IL1RAPL1: variants seen among roughly 807,000 people sequenced by gnomAD.
IL1RAPL1 encodes the protein interleukin 1 receptor accessory protein like 1, also known as interleukin-1 receptor accessory protein-like 1.
IL1RAPL1 carries 3 observed loss-of-function variants against 48.4 expected under a neutral mutation model. The ratio of observed to expected loss-of-function variants is 0.06; its 90% CI spans 0.03 to 0.16. The LOEUF is 0.16. Among genes scored for constraint, IL1RAPL1 ranks in the 10% least tolerant of loss-of-function variants. The pLI is 1.00. For missense variants in IL1RAPL1, 349 were observed against 530.6 expected, an observed-to-expected ratio of 0.66 and a Z score of 3.36; for synonymous variants, 185 against 187.7, an observed-to-expected ratio of 0.99 and a Z score of 0.12.
intron 3 of IL1RAPL1, among the ~76,000 whole-genome samples, chrX:29,291,751 C>A (rs769389129): frequency 7.6e-4 from 85 of 112,367 alleles, no homozygotes; most frequent in African/African-American, 2.7e-3. Context: ...TGAACTTTAT[C>A]CCTTTTGGTA....
intron 6 of IL1RAPL1, among the ~76,000 whole-genome samples, chrX:29,910,771 TTAA>T (rs1301273022): frequency 9.0e-6 from 1 of 111,305 alleles, no homozygotes; most frequent in African/African-American, 3.3e-5. Flanking sequence ...ATAGCTATAT[TTAA>T]TAATAAAATT....
intron 1 of IL1RAPL1, among the ~76,000 whole-genome samples, chrX:28,716,890 A>G (rs1257027379): frequency 8.9e-6 from 1 of 112,201 alleles, no homozygotes; most frequent in Admixed American, 9.5e-5. Flanking sequence ...CACATGGACA[A>G]CATGCATGTG....
chrX:29,336,918 A>G (rs1933004299), intron 3 of IL1RAPL1, among the ~76,000 whole-genome samples: 1 of 110,824 alleles, frequency 9.0e-6, no homozygotes, highest in Admixed American at 9.7e-5. Flanking sequence ...GAGGAGTTCT[A>G]GTTTCTATGA....
chrX:29,590,148 G>A lies in IL1RAPL1; in HGVS notation c.704-78282G>A, dbSNP rs201969498. ...ATCTCACGAGAACTAACTCACTATC[G>A]CAAGGACAGCAGCAAGGGGATGGTG... is the stretch of plus-strand genomic sequence containing the variant. On this transcript the variant is annotated intron_variant, in intron 5 of 10. Coordinates refer to ENST00000378993, the MANE Select transcript of IL1RAPL1 (RefSeq NM_014271.4). Among the ~76,000 whole-genome samples the A allele has an allele frequency of 1.9e-4, 21 of 110,647 alleles. No individual in the cohort carries two copies. The East Asian group carries it at 5.7e-3, about 30-fold the overall frequency.
chrX:28,842,009 G>A (rs1359617963), intron 2 of IL1RAPL1, among the ~76,000 whole-genome samples: 1 of 110,853 alleles, frequency 9.0e-6, no homozygotes, highest in Non-Finnish European at 1.9e-5. Context: ...AGTGCATTAT[G>A]TAGGGAAAAA....
intron 5 of IL1RAPL1, among the ~76,000 whole-genome samples, chrX:29,665,950 G>A (rs2147098938): frequency 9.0e-6 from 1 of 111,334 alleles, no homozygotes; most frequent in Admixed American, 9.6e-5. Context: ...TTTCCAAGGA[G>A]CACATAACAA....
At chrX:29,427,012 A>G (rs780505577) in intron 5 of IL1RAPL1, among the ~76,000 whole-genome samples, 1 of 100,544 alleles carries the variant, frequency 9.9e-6, no homozygotes, top group Non-Finnish European at 2.0e-5. Context: ...AAAAAAAAAA[A>G]AAGATTTGCA....
chrX:29,298,864 A>G lies in IL1RAPL1; in HGVS notation c.362+15647A>G, dbSNP rs1056788923. ...TTGATAAAACTCAGGAACACACTTT[A>G]CTTGTGATGGTTAATACTGAGTGTC... On this transcript the variant is annotated intron_variant, in intron 3 of 10. Coordinates refer to ENST00000378993, the MANE Select transcript of IL1RAPL1 (RefSeq NM_014271.4). Among the ~76,000 whole-genome samples the G allele has an allele frequency of 9.9e-5, 11 of 111,389 alleles. No homozygotes were observed. In the East Asian group the frequency reaches 3.1e-3, roughly 31 times the overall value.
chrX:29,907,465 T>A (rs1265155082), intron 6 of IL1RAPL1, among the ~76,000 whole-genome samples: 1 of 111,316 alleles, frequency 9.0e-6, no homozygotes, highest in Admixed American at 9.6e-5. Context: ...TTAACTCTAA[T>A]AAATCCCACA....
intron 2 of IL1RAPL1, among the ~76,000 whole-genome samples, chrX:28,956,100 T>C (rs982866312): frequency 4.6e-5 from 5 of 107,704 alleles, no homozygotes; most frequent in South Asian, 4.2e-4. Context: ...GTGATTTTTG[T>C]ACATTGATTT....
intron 1 of IL1RAPL1, among the ~76,000 whole-genome samples, chrX:28,747,108 G>A (rs1018558729): frequency 9.0e-6 from 1 of 110,930 alleles, no homozygotes; most frequent in African/African-American, 3.3e-5. Context: ...GCAGTAGAAT[G>A]TTTAAATTCT....
chrX:29,840,243 C>T (rs140511004), intron 6 of IL1RAPL1, among the ~76,000 whole-genome samples: 167 of 111,731 alleles, frequency 1.5e-3, no homozygotes, highest in African/African-American at 5.2e-3. Flanking sequence ...TATTAACGGA[C>T]GGATGTTCAC....
At chrX:28,831,177 C>T (rs1288988646) in intron 2 of IL1RAPL1, among the ~76,000 whole-genome samples, 3 of 95,443 alleles carry the variant, frequency 3.1e-5, no homozygotes, top group African/African-American at 1.2e-4. Flanking sequence ...GGTGATCTCA[C>T]GTCTTTTCTG....
chrX:28,905,331 C>A (rs183120817), intron 2 of IL1RAPL1, among the ~76,000 whole-genome samples: 23 of 111,256 alleles, frequency 2.1e-4, no homozygotes, highest in Non-Finnish European at 3.2e-4. Context: ...TGCTGTGGAC[C>A]TTCATCTCAG....
rs1293838168 is a variant in IL1RAPL1 at position 29,304,714 on chromosome X, C to T, written c.362+21497C>T. 2.7e-5 allele frequency among the ~76,000 whole-genome samples: 3 copies of T among 112,632 alleles called. No individual in the cohort carries two copies. In the East Asian group the frequency reaches 8.3e-4, roughly 31 times the overall value. On this transcript the variant is annotated intron_variant, in intron 3 of 10. Transcript: ENST00000378993. ...TTGTATATGTTTGAAATTTTTTCTA[C>T]ACTTGAAAAGATAAGAGAAATTTAA... is the stretch of plus-strand genomic sequence containing the variant.
At chrX:29,285,388 C>T (rs1038554817) in intron 3 of IL1RAPL1, among the ~76,000 whole-genome samples, 4 of 107,414 alleles carry the variant, frequency 3.7e-5, no homozygotes, top group Non-Finnish European at 3.8e-5. Flanking sequence ...CAAAATTAGC[C>T]GGGCATGATG....
intron 2 of IL1RAPL1, among the ~76,000 whole-genome samples, chrX:28,976,268 T>C (rs1925205780): frequency 8.9e-6 from 1 of 111,943 alleles, no homozygotes; most frequent in African/African-American, 3.2e-5. Flanking sequence ...AGACCAGTTA[T>C]GAATCCATTG....
chrX:29,484,004 TA>T (rs144243686), intron 5 of IL1RAPL1, among the ~76,000 whole-genome samples: 4,616 of 91,832 alleles, frequency 0.05, 363 homozygotes, highest in African/African-American at 0.18. Flanking sequence ...AGTAGTCCAT[TA>T]AAAAAAAAAA....
rs1323894168 is a variant in IL1RAPL1 at position 29,163,081 on chromosome X, A to C, written c.83-119857A>C. ...GAGCAAGACTCCGTCTCAAAAAAAA[A>C]AAAAAGAAAGAAAGAAGAAAAGTTC... On this transcript the variant is annotated intron_variant, in intron 2 of 10. Transcript: ENST00000378993. 4.5e-5 allele frequency among the ~76,000 whole-genome samples: 5 copies of C among 110,329 alleles called. No homozygotes were observed. The Admixed American group carries it at 4.9e-4, about 11-fold the overall frequency.
Sources: allele counts gnomAD v4.1 joint callset (sites outside exome capture counted in the v4.1 genomes callset), GRCh38; gene constraint gnomAD v4.1.1; transcripts MANE v1.5; gene names NCBI Gene and HGNC (gene_info 2026-07-23, HGNC 2026-07-21).